MPDZ: variants seen among roughly 807,000 people sequenced by gnomAD.
The protein encoded by MPDZ is multiple PDZ domain crumbs cell polarity complex component.
Under a neutral mutation model 239.1 loss-of-function variants are expected in MPDZ, and 234 were observed. The ratio of observed to expected loss-of-function variants is 0.98; its 90% confidence interval spans 0.88 to 1.09. MPDZ has a LOEUF of 1.09. Among genes scored for constraint, MPDZ ranks in the 50% least tolerant of loss-of-function variants. MPDZ has a pLI of 0.00. For synonymous variants in MPDZ, 1,048 were observed against 881.3 expected, an observed-to-expected ratio of 1.19 and a Z score of -3.35; for missense variants, 3,175 against 2,510.0, an observed-to-expected ratio of 1.26 and a Z score of -5.66.
At chr9:13,215,784 T>TA (rs1344516694) in intron 10 of MPDZ, among the ~76,000 whole-genome samples, 3 of 146,196 alleles carry the variant, frequency 2.1e-5, no homozygotes, top group African/African-American at 7.6e-5. Context: ...TGTCTTTTTT[T>TA]AGAGGCAAGA....
chr9:13,269,232 CA>C, intron 1 of MPDZ, among the ~76,000 whole-genome samples: 1 of 152,054 alleles, frequency 6.6e-6, no homozygotes, highest in East Asian at 1.9e-4. Context: ...ATCATTTAGC[CA>C]AAAGAACAGC....
At chr9:13,189,558 G>A (rs1954617221) in intron 16 of MPDZ, among the ~76,000 whole-genome samples, 1 of 152,062 alleles carries the variant, frequency 6.6e-6, no homozygotes, top group African/African-American at 2.4e-5. Flanking sequence ...AGTCATCCAA[G>A]GTGGCTTTCT....
chr9:13,199,125 ATTC>A (rs970718010), intron 12 of MPDZ, among the ~76,000 whole-genome samples: 3 of 152,030 alleles, frequency 2.0e-5, no homozygotes, highest in African/African-American at 7.2e-5. Flanking sequence ...AACAATATTA[ATTC>A]TTCTAGTCCA....
intron 12 of MPDZ, among the ~76,000 whole-genome samples, chr9:13,203,560 C>T (rs1956632720): frequency 6.6e-6 from 1 of 152,238 alleles, no homozygotes; most frequent in African/African-American, 2.4e-5. Context: ...TCCAGGCTTG[C>T]ACGATGTGTA....
chr9:13,203,087 G>A (rs1380913750), intron 12 of MPDZ, among the ~76,000 whole-genome samples: 1 of 152,082 alleles, frequency 6.6e-6, no homozygotes, highest in Non-Finnish European at 1.5e-5. Flanking sequence ...ACTCTGATCT[G>A]ATCATTATAC....
chr9:13,273,681 G>C (rs1346241314), intron 1 of MPDZ, among the ~76,000 whole-genome samples: 1 of 152,006 alleles, frequency 6.6e-6, no homozygotes, highest in Non-Finnish European at 1.5e-5. Context: ...CCACAGTAAA[G>C]AAAAAAGCAG....
chr9:13,205,622 CAGAA>C (rs1404545387), intron 11 of MPDZ, among the ~76,000 whole-genome samples: 4 of 152,074 alleles, frequency 2.6e-5, no homozygotes, highest in Non-Finnish European at 5.9e-5. Flanking sequence ...AAGGCAGAAA[CAGAA>C]AGGTAAATGA....
intron 1 of MPDZ, among the ~76,000 whole-genome samples, chr9:13,272,211 C>T (rs1337215550): frequency 6.6e-6 from 1 of 152,112 alleles, no homozygotes; most frequent in Non-Finnish European, 1.5e-5. Context: ...CACTCCCTCC[C>T]ACCTCCTTGA....
chr9:13,147,749 A>G (rs945777839), intron 25 of MPDZ, 91 bp from the exon 26 acceptor site: 3 of 882,778 alleles, frequency 3.4e-6, no homozygotes, highest in Non-Finnish European at 3.6e-6. Flanking sequence ...ACTTGGTTAG[A>G]CTCCTAGAAA....
chr9:13,181,573 T>A (rs1417195505), intron 19 of MPDZ, among the ~76,000 whole-genome samples: 2 of 152,176 alleles, frequency 1.3e-5, no homozygotes, highest in Admixed American at 1.3e-4. Context: ...CTTTGTTGTT[T>A]TGTAGTTTAA....
intron 8 of MPDZ, 131 bp downstream of exon 8, chr9:13,219,428 C>T (rs1327813394): frequency 2.6e-6 from 2 of 771,384 alleles, no homozygotes; most frequent in African/African-American, 1.8e-5. Flanking sequence ...AGCATCCCTA[C>T]ATTTGAATTT....
In MPDZ at chr9:13,105,897, A is replaced by C. The variant is rs1038238781; in HGVS notation, c.*1068T>G. The C allele has an allele frequency of 6.6e-6, 1 of 152,186 alleles. No homozygotes were observed. Among genetic ancestry groups the C allele is most frequent in the Non-Finnish European group, 1.5e-5 (1 of 68,032 alleles). The allele number at this position is 152,186 out of a possible 1,614,324, so 9.4% of individuals were successfully genotyped here. A position where few individuals can be genotyped will look rare whatever the true frequency, so the allele number is the denominator to read the frequency against. ...ATGATAATTCCTCACCAGTTGTCTCAATAAACAGCTCCATCTGTTTCCCTT... is the reference window on the plus strand; with the variant it reads ...ATGATAATTCCTCACCAGTTGTCTCCATAAACAGCTCCATCTGTTTCCCTT... On this transcript the variant is annotated 3_prime_UTR_variant, in exon 47 of 47. Transcript: ENST00000319217.
At position 13,176,219 on chromosome 9, in the gene MPDZ, T is replaced by C. The variant is rs778664846; in HGVS notation, c.2848A>G (p.Ile950Val). 15 of 1,604,068 alleles carry C rather than the reference T, an allele frequency of 9.4e-6. No homozygotes were observed. Among genetic ancestry groups the C allele is most frequent in the East Asian group, 2.2e-5 (1 of 44,522 alleles). Residue 950 changes from isoleucine to valine, a missense_variant, in exon 20 of 47, where the codon ATA becomes GTA. Physicochemically the swap from Ile to Val is conservative, Grantham distance 29. Transcript: ENST00000319217. ...GGTAAATGAGATTCAGTCCACACTA[T>C]TGTGTTTTCACATTCATATTGTTGT... is the stretch of plus-strand genomic sequence containing the variant. The part of the protein sequence containing the change: ...IEQQYECENT[I>V]VWTESHLPSE...
At chr9:13,221,609 C>T in intron 6 of MPDZ, 109 bp from the exon 7 acceptor site, 1 of 1,195,944 alleles carries the variant, frequency 8.4e-7, no homozygotes, top group Non-Finnish European at 1.1e-6. Flanking sequence ...TAATTAAATT[C>T]AGACATAATA....
At chr9:13,123,078 G>C (rs751269542) in intron 36 of MPDZ, 75 bp downstream of exon 36, 16 of 1,432,752 alleles carry the variant, frequency 1.1e-5, no homozygotes, top group African/African-American at 1.4e-5. Flanking sequence ...AGAACTGATA[G>C]AAATCTCCCC....
At chr9:13,108,029 G>T (rs1264834786) in intron 46 of MPDZ, among the ~76,000 whole-genome samples, 1 of 151,968 alleles carries the variant, frequency 6.6e-6, no homozygotes, top group Non-Finnish European at 1.5e-5. Context: ...CTAGCTTGTT[G>T]TAGGTACAAC....
intron 24 of MPDZ, among the ~76,000 whole-genome samples, chr9:13,157,591 C>T (rs1238898898): frequency 2.0e-5 from 3 of 152,044 alleles, no homozygotes; most frequent in African/African-American, 7.2e-5. Context: ...AGGATAAACT[C>T]AGCCTGTGGT....
intron 1 of MPDZ, among the ~76,000 whole-genome samples, chr9:13,271,423 C>G (rs1464579427): frequency 1.3e-5 from 2 of 152,096 alleles, no homozygotes; most frequent in Non-Finnish European, 2.9e-5. Context: ...CTCCCCTGGC[C>G]CTTTCTGTGT....
intron 22 of MPDZ, among the ~76,000 whole-genome samples, chr9:13,167,441 C>T (rs1362689451): frequency 6.6e-6 from 1 of 151,926 alleles, no homozygotes; most frequent in Non-Finnish European, 1.5e-5. Flanking sequence ...TTTTATTGAC[C>T]ACAGAATGAA....
Sources: gnomAD v4.1 joint callset for allele counts (sites outside exome capture counted in the v4.1 genomes callset) on GRCh38, gnomAD v4.1.1 for gene constraint, MANE v1.5 for transcripts, NCBI Gene and HGNC (gene_info 2026-07-23, HGNC 2026-07-21) for gene names.